The following MYO1D variants were observed in gnomAD, a reference collection of about 807,000 sequenced individuals.
The protein encoded by MYO1D is unconventional myosin-Id.
MYO1D carries 83 observed loss-of-function variants against 122.0 expected under a neutral mutation model. That is an observed-to-expected ratio of 0.68 (90% CI 0.57 to 0.82). MYO1D has a LOEUF of 0.82. Ranked by LOEUF, MYO1D falls within the 40% of genes least tolerant of loss-of-function variation. The pLI, the probability that MYO1D is intolerant of heterozygous loss-of-function variation, is 0.00. For synonymous variants in MYO1D, 464 were observed against 446.9 expected, an observed-to-expected ratio of 1.04 and a Z score of -0.48; for missense variants, 1,157 against 1,269.5, an observed-to-expected ratio of 0.91 and a Z score of 1.35.
intron 20 of MYO1D, among the ~76,000 whole-genome samples, chr17:32,627,555 A>T (rs1473314380): frequency 6.6e-6 from 1 of 152,100 alleles, no homozygotes; most frequent in African/African-American, 2.4e-5. Context: ...CAGTCCATTT[A>T]CCTTTACAAA....
At chr17:32,695,633 C>T (rs116628712) in intron 16 of MYO1D, among the ~76,000 whole-genome samples, 1 of 152,176 alleles carries the variant, frequency 6.6e-6, no homozygotes, top group Non-Finnish European at 1.5e-5. Context: ...GTAACAAATA[C>T]CCCTATGCAC....
intron 1 of MYO1D, among the ~76,000 whole-genome samples, chr17:32,811,115 T>C (rs146115881): frequency 5.3e-5 from 8 of 152,320 alleles, no homozygotes; most frequent in Non-Finnish European, 1.0e-4. Flanking sequence ...ACACCATCAA[T>C]AATGAAGAAA....
chr17:32,753,086 T>C (rs903815084), intron 11 of MYO1D, among the ~76,000 whole-genome samples: 1 of 152,198 alleles, frequency 6.6e-6, no homozygotes, highest in African/African-American at 2.4e-5. Context: ...TGGAATACTA[T>C]GCAGCCATAA....
chr17:32,683,835 C>T (rs1221113252), intron 16 of MYO1D, among the ~76,000 whole-genome samples: 1 of 151,972 alleles, frequency 6.6e-6, no homozygotes, highest in African/African-American at 2.4e-5. Context: ...GGCGGGCGCC[C>T]CTCCCCCAGC....
At chr17:32,789,368 A>G (rs1028840120) in intron 1 of MYO1D, among the ~76,000 whole-genome samples, 5 of 152,170 alleles carry the variant, frequency 3.3e-5, no homozygotes, top group African/African-American at 1.2e-4. Flanking sequence ...AATGCTTTCA[A>G]CTTTTCCCCA....
rs546004326 is a variant in MYO1D, at chr17:32,718,234, C to T, written c.1913+2789G>A. ...TGACAAACGTGTATACTCATGAAACCGACACCCTGATCAAGATATATCATC... is the reference window on the plus strand; with the variant it reads ...TGACAAACGTGTATACTCATGAAACTGACACCCTGATCAAGATATATCATC... On this transcript the variant is annotated intron_variant, in intron 15 of 21. Coordinates refer to ENST00000318217, the MANE Select transcript of MYO1D (RefSeq NM_015194.3). 7.9e-5 allele frequency among the ~76,000 whole-genome samples: 12 copies of T among 152,166 alleles called. No individual in the cohort carries two copies. In the South Asian group the frequency reaches 1.7e-3, roughly 21 times the overall value.
intron 14 of MYO1D, among the ~76,000 whole-genome samples, chr17:32,723,590 G>A (rs1402497039): frequency 6.6e-6 from 1 of 152,140 alleles, no homozygotes; most frequent in Non-Finnish European, 1.5e-5. Context: ...GTAGAATGCA[G>A]CAGAAGCAAC....
chr17:32,769,866 A>C (rs2090096243), intron 6 of MYO1D, among the ~76,000 whole-genome samples: 1 of 152,046 alleles, frequency 6.6e-6, no homozygotes, highest in Admixed American at 6.6e-5. Flanking sequence ...TTTAACCTAG[A>C]AAAAAGGCTA....
At chr17:32,615,316 G>T (rs942595002) in intron 20 of MYO1D, among the ~76,000 whole-genome samples, 11 of 152,220 alleles carry the variant, frequency 7.2e-5, no homozygotes, top group African/African-American at 2.7e-4. Flanking sequence ...CTTCGAGCCA[G>T]AGGAAAGCGG....
At chr17:32,735,081 A>AACACACAC (rs371150333) in intron 14 of MYO1D, among the ~76,000 whole-genome samples, 3,131 of 138,030 alleles carry the variant, frequency 0.023, 84 homozygotes, top group African/African-American at 0.061. Context: ...ATTCCATCTG[A>AACACACAC]ACACACACAC....
intron 21 of MYO1D, among the ~76,000 whole-genome samples, chr17:32,580,068 CA>C: frequency 6.6e-6 from 1 of 152,108 alleles, no homozygotes; most frequent in South Asian, 2.1e-4. Context: ...AAACTGTTCC[CA>C]CCATGATAAT....
chr17:32,741,752 T>G (rs1372742563), intron 13 of MYO1D, among the ~76,000 whole-genome samples: 1 of 152,094 alleles, frequency 6.6e-6, no homozygotes, highest in Middle Eastern at 3.2e-3. Flanking sequence ...ATACCATGGA[T>G]AGAAAATATT....
At chr17:32,733,651 C>A (rs978530797) in intron 14 of MYO1D, among the ~76,000 whole-genome samples, 1 of 152,200 alleles carries the variant, frequency 6.6e-6, no homozygotes, top group Non-Finnish European at 1.5e-5. Context: ...CTGGGCTTCA[C>A]TTCAAGGACC....
chr17:32,561,133 A>T lies in MYO1D; in HGVS notation c.2864+43954T>A, dbSNP rs965558908. Among the ~76,000 whole-genome samples, 135 of 151,822 alleles carry T rather than the reference A, an allele frequency of 8.9e-4. 1 individual carries two copies. Among genetic ancestry groups the T allele is most frequent in the Middle Eastern group, 3.4e-3 (1 of 294 alleles). ...CACCATGTTGGCCAGGCTAGTCTCG[A>T]ACTCCTGACCTCAGGTGATCCACCC... On this transcript the variant is annotated intron_variant, in intron 21 of 21. Transcript: ENST00000318217.
chr17:32,500,336 G>T (rs1909274888), intron 21 of MYO1D, among the ~76,000 whole-genome samples: 1 of 152,234 alleles, frequency 6.6e-6, no homozygotes, highest in Admixed American at 6.5e-5. Context: ...AGAGCCTCCT[G>T]GGATGGAGAC....
At chr17:32,542,487 T>A (rs1910865120) in intron 21 of MYO1D, among the ~76,000 whole-genome samples, 3 of 152,126 alleles carry the variant, frequency 2.0e-5, no homozygotes, top group Admixed American at 2.0e-4. Context: ...TTATTAACAC[T>A]TTATTGATCC....
intron 3 of MYO1D, among the ~76,000 whole-genome samples, chr17:32,776,356 ATGTG>A (rs1371316454): frequency 2.6e-5 from 4 of 152,282 alleles, no homozygotes; most frequent in African/African-American, 9.6e-5. Flanking sequence ...TTGTGTGTGT[ATGTG>A]TATGTTCACG....
chr17:32,801,002 CATAAAT>C (rs1305425647), intron 1 of MYO1D, among the ~76,000 whole-genome samples: 1 of 152,018 alleles, frequency 6.6e-6, no homozygotes, highest in Non-Finnish European at 1.5e-5. Context: ...CACTGTACCC[CATAAAT>C]ATAATTATTT....
intron 1 of MYO1D, among the ~76,000 whole-genome samples, chr17:32,860,067 G>A (rs957327911): frequency 6.6e-6 from 1 of 152,132 alleles, no homozygotes; most frequent in Non-Finnish European, 1.5e-5. Flanking sequence ...TCCTAAGCAA[G>A]GAGCACAACA....
Sources: gnomAD v4.1 joint callset for allele counts (sites outside exome capture counted in the v4.1 genomes callset) on GRCh38, gnomAD v4.1.1 for gene constraint, MANE v1.5 for transcripts, NCBI Gene and HGNC (gene_info 2026-07-23, HGNC 2026-07-21) for gene names.